The following GLIS3 variants were observed in gnomAD, a reference collection of about 807,000 sequenced individuals.
The protein encoded by GLIS3 is GLIS family zinc finger 3, also known as zinc finger protein GLIS3.
GLIS3 carries 53 observed loss-of-function variants against 78.6 expected under a neutral mutation model. That is an observed-to-expected ratio of 0.67 (90% CI 0.54 to 0.85). The LOEUF (loss-of-function observed/expected upper bound fraction) is 0.85, where lower values mean the gene tolerates loss of function less well. Among genes scored for constraint, GLIS3 ranks in the 40% least tolerant of loss-of-function variants. GLIS3 has a pLI of 0.00. For synonymous variants in GLIS3, 684 were observed against 509.9 expected (o/e 1.34, Z -4.60); for missense variants, 1,703 against 1,231.1 (o/e 1.38, Z -5.74).
chr9:4,364,842 G>A, the GLIS3 span, among the ~76,000 whole-genome samples: 1 of 133,788 alleles, frequency 7.5e-6, no homozygotes, highest in East Asian at 2.4e-4. Context: ...GCTATTCACA[G>A]GTGCAATCAT....
chr9:4,218,541 G>C (rs374994050), intron 2 of GLIS3, among the ~76,000 whole-genome samples: 1 of 152,182 alleles, frequency 6.6e-6, no homozygotes, highest in Non-Finnish European at 1.5e-5. Context: ...GCCTCCCAAA[G>C]TGCTGGGATT....
intron 4 of GLIS3, among the ~76,000 whole-genome samples, chr9:3,991,876 G>C (rs967783819): frequency 3.3e-5 from 5 of 151,822 alleles, no homozygotes; most frequent in South Asian, 2.1e-4. Context: ...ATTTTTAGTA[G>C]AGACGGGGTT....
intron 2 of GLIS3, among the ~76,000 whole-genome samples, chr9:4,262,923 G>C (rs1219348161): frequency 7.9e-6 from 1 of 126,526 alleles, no homozygotes; most frequent in Non-Finnish European, 1.6e-5. Flanking sequence ...GATTGTTTCA[G>C]TGTTTGCCTC....
chr9:4,333,624 A>G (rs570943405), intron 2 of GLIS3, among the ~76,000 whole-genome samples: 21 of 152,148 alleles, frequency 1.4e-4, no homozygotes, highest in South Asian at 6.2e-4. Flanking sequence ...TTTTAACCCA[A>G]TGTTTCCCTA....
At chr9:4,430,797 A>T in the GLIS3 span, among the ~76,000 whole-genome samples, 1 of 152,222 alleles carries the variant, frequency 6.6e-6, no homozygotes. Flanking sequence ...CTTAATTCAA[A>T]TTCCAACTAG....
intron 2 of GLIS3, among the ~76,000 whole-genome samples, chr9:4,233,800 C>T (rs1048323540): frequency 6.6e-6 from 1 of 152,216 alleles, no homozygotes; most frequent in Non-Finnish European, 1.5e-5. Flanking sequence ...CAATAGAAGG[C>T]TGTTTTATCT....
intron 4 of GLIS3, among the ~76,000 whole-genome samples, chr9:3,980,411 T>C (rs1819161900): frequency 6.6e-6 from 1 of 151,924 alleles, no homozygotes; most frequent in Non-Finnish European, 1.5e-5. Flanking sequence ...AGAGTCCATA[T>C]CTCTCTCCTC....
At chr9:4,224,381 C>T (rs1402952527) in intron 2 of GLIS3, among the ~76,000 whole-genome samples, 1 of 152,188 alleles carries the variant, frequency 6.6e-6, no homozygotes, top group Non-Finnish European at 1.5e-5. Context: ...TGACAGCTTC[C>T]AAAGGTGTAT....
At chr9:4,404,163 C>T in the GLIS3 span, among the ~76,000 whole-genome samples, 1 of 152,070 alleles carries the variant, frequency 6.6e-6, no homozygotes, top group Admixed American at 6.5e-5. Context: ...GACAATTCAG[C>T]AAGAGGATTC....
chr9:4,107,287 G>A (rs1336129623), intron 4 of GLIS3, among the ~76,000 whole-genome samples: 1 of 152,090 alleles, frequency 6.6e-6, no homozygotes, highest in Non-Finnish European at 1.5e-5. Flanking sequence ...GTGTTTAAGT[G>A]TCCTCCTGGA....
chr9:3,875,002 A>G (rs770849675), intron 8 of GLIS3, among the ~76,000 whole-genome samples: 10 of 152,198 alleles, frequency 6.6e-5, no homozygotes, highest in Non-Finnish European at 1.3e-4. Context: ...GTAAAAGATG[A>G]GCAAACACAA....
intron 2 of GLIS3, among the ~76,000 whole-genome samples, chr9:4,152,424 A>C (rs1032807250): frequency 2.6e-5 from 4 of 152,152 alleles, no homozygotes; most frequent in Non-Finnish European, 5.9e-5. Flanking sequence ...GATTATGAGG[A>C]TTTTCACAGC....
chr9:4,258,922 A>G lies in GLIS3; in HGVS notation c.388+27116T>C, dbSNP rs1007639470. ...ATAATTCAACCTCTGTACTTTTCCA[A>G]TCGTATTTATAAACACAGTTTTTCA... On this transcript the variant is annotated intron_variant, in intron 2 of 10. Transcript: ENST00000381971. Among the ~76,000 whole-genome samples, 8 of 152,148 alleles carry G rather than the reference A, an allele frequency of 5.3e-5. No individual in the cohort carries two copies. In the East Asian group the frequency reaches 1.3e-3, roughly 26 times the overall value.
intron 4 of GLIS3, among the ~76,000 whole-genome samples, chr9:4,110,312 G>T (rs559351786): frequency 6.6e-6 from 1 of 152,276 alleles, no homozygotes; most frequent in African/African-American, 2.4e-5. Flanking sequence ...CACCCTAATT[G>T]TAGAGCATTA....
At chr9:4,289,161 A>G (rs1051918569) in intron 1 of GLIS3, among the ~76,000 whole-genome samples, 2 of 152,226 alleles carry the variant, frequency 1.3e-5, no homozygotes, top group African/African-American at 4.8e-5. Flanking sequence ...TCTACTTCTG[A>G]CAAATCATTT....
intron 7 of GLIS3, among the ~76,000 whole-genome samples, chr9:3,895,348 A>G (rs960445538): frequency 6.6e-6 from 1 of 152,210 alleles, no homozygotes; most frequent in Admixed American, 6.5e-5. Context: ...CAAAAAATAT[A>G]AATGAGCCAT....
chr9:4,267,178 G>C (rs1246963193), intron 2 of GLIS3, among the ~76,000 whole-genome samples: 1 of 152,112 alleles, frequency 6.6e-6, no homozygotes, highest in Non-Finnish European at 1.5e-5. Flanking sequence ...ACCTTATAGG[G>C]TTTCCTAAAC....
the GLIS3 span, among the ~76,000 whole-genome samples, chr9:4,453,919 C>G: frequency 6.6e-6 from 1 of 152,080 alleles, no homozygotes; most frequent in South Asian, 2.1e-4. Flanking sequence ...ATGGGTGCAG[C>G]AAACCAACAT....
At chr9:4,456,140 G>A in the GLIS3 span, among the ~76,000 whole-genome samples, 1 of 152,152 alleles carries the variant, frequency 6.6e-6, no homozygotes, top group African/African-American at 2.4e-5. Context: ...ACACTATACT[G>A]TAGTCTATTG....
Sources: allele counts gnomAD v4.1 joint callset (sites outside exome capture counted in the v4.1 genomes callset), GRCh38; gene constraint gnomAD v4.1.1; transcripts MANE v1.5; gene names NCBI Gene and HGNC (gene_info 2026-07-23, HGNC 2026-07-21).